The following NOC4L variants were observed in gnomAD, a reference collection of about 807,000 sequenced individuals.
NOC4L encodes nucleolar complex protein 4 homolog.
A neutral mutation model predicts 62.8 loss-of-function variants in NOC4L; 40 were observed. That is an observed-to-expected ratio of 0.64 (90% CI 0.49 to 0.83). NOC4L has a LOEUF of 0.83. Ranked by LOEUF, NOC4L falls within the 40% of genes least tolerant of loss-of-function variation. The probability of loss-of-function intolerance (pLI) is 0.00; values close to 1 mark genes in which losing one functional copy is unlikely to be tolerated. For synonymous variants in NOC4L, 433 were observed against 299.8 expected (o/e 1.44, Z -4.59); for missense variants, 927 against 701.9 (o/e 1.32, Z -3.62).
intron 9 of NOC4L, among the ~76,000 whole-genome samples, chr12:132,149,694 G>A (rs1897872388): frequency 4.5e-5 from 1 of 22,020 alleles, no homozygotes; most frequent in Non-Finnish European, 6.7e-5. Flanking sequence ...CTCGGTGAGT[G>A]CGGCCGCCTC....
At position 132,147,680 on chromosome 12, in the gene NOC4L, C is replaced by T. The variant is rs1459457760; in HGVS notation, c.501C>T (p.Leu167=). The T allele has an allele frequency of 1.2e-6, 2 of 1,612,924 alleles. No homozygotes were observed. The highest frequency in any genetic ancestry group is 2.2e-5 in the South Asian group (2 of 91,084). The change falls in exon 5 of 15, where the codon CTC becomes CTT. Residue 167 remains leucine (L), a synonymous_variant. Coordinates refer to ENST00000330579, the MANE Select transcript of NOC4L (RefSeq NM_024078.3). ...LLSPEEDQSL[L]LSQFREYLDY... is the part of the protein sequence containing the mutation. ...CTCCTGAGGAGGACCAGAGCCTGCT[C>T]CTGTCCCAGTTCCGGGAGTACCTGG...
intron 3 of NOC4L, among the ~76,000 whole-genome samples, chr12:132,146,658 G>A (rs1432501302): frequency 6.6e-6 from 1 of 152,162 alleles, no homozygotes; most frequent in South Asian, 2.1e-4. Context: ...ACTTTTAAAT[G>A]TTGGGGAGAT....
chr12:132,152,441 C>G lies in NOC4L; in HGVS notation c.*40C>G. Reference sequence around the variant, plus strand: ...TGAATAAATCTCAGCTGACCCCAGCCCACCTGTGAATAAATGTTTTTGCAG... The same window carrying G: ...TGAATAAATCTCAGCTGACCCCAGCGCACCTGTGAATAAATGTTTTTGCAG... On this transcript the variant is annotated 3_prime_UTR_variant, in exon 15 of 15. Transcript: ENST00000330579. 1 of 1,538,814 alleles carries G rather than the reference C, an allele frequency of 6.5e-7. No individual in the cohort carries two copies. The highest frequency in any genetic ancestry group is 8.8e-7 in the Non-Finnish European group (1 of 1,137,524).
At chr12:132,147,076 T>C (rs1007367586) in intron 3 of NOC4L, among the ~76,000 whole-genome samples, 3 of 152,204 alleles carry the variant, frequency 2.0e-5, no homozygotes, top group Admixed American at 6.5e-5. Flanking sequence ...CTGGATCTCT[T>C]TAACTAGAGA....
At chr12:132,148,471 G>T in intron 7 of NOC4L, 138 bp from the exon 8 acceptor site, 1 of 936,768 alleles carries the variant, frequency 1.1e-6, no homozygotes, top group Admixed American at 2.3e-5. Context: ...AATGGGGACA[G>T]GAAGAAGGAA....
chr12:132,145,381 C>T (rs1897673973), intron 2 of NOC4L, among the ~76,000 whole-genome samples, 178 bp from the exon 3 acceptor site: 1 of 152,170 alleles, frequency 6.6e-6, no homozygotes, highest in Admixed American at 6.5e-5. Context: ...TTCCTGTTTG[C>T]AGGGCTCAGG....
At chr12:132,151,426 G>C (rs1872913772) in intron 11 of NOC4L, 58 bp downstream of exon 11, 1 of 1,601,716 alleles carries the variant, frequency 6.2e-7, no homozygotes, top group South Asian at 1.1e-5. Flanking sequence ...CTGGGGCCAG[G>C]GGAGGGTGGT....
intron 7 of NOC4L, 116 bp from the exon 8 acceptor site, chr12:132,148,492 GA>G: frequency 8.7e-7 from 1 of 1,153,922 alleles, no homozygotes; most frequent in Non-Finnish European, 1.2e-6. Flanking sequence ...GGCAGGGTCA[GA>G]AAAGTGGAGA....
rs544102967 is a variant in NOC4L, at chr12:132,152,408, C to T, written c.*7C>T. On this transcript the variant is annotated 3_prime_UTR_variant, in exon 15 of 15. Transcript: ENST00000330579. ...GCACTTCACGCTCAGCTGACCCTGG[C>T]CCACCTGTGAATAAATCTCAGCTGA... 256 of 1,571,172 alleles carry T rather than the reference C, an allele frequency of 1.6e-4. 5 individuals carry two copies. The South Asian group carries it at 2.5e-3, about 15-fold the overall frequency.
At chr12:132,151,694 C>G (rs1593433139) in intron 12 of NOC4L, 44 bp from the exon 13 acceptor site, 1 of 1,612,022 alleles carries the variant, frequency 6.2e-7, no homozygotes, top group Non-Finnish European at 8.5e-7. Context: ...GCGGGGGTGC[C>G]TGGTGCTGTG....
chr12:132,152,349 G>T lies in NOC4L; in HGVS notation c.1499G>T (p.Gly500Val), dbSNP rs767451309. 3.4e-5 allele frequency: 54 copies of T among 1,571,512 alleles called. No homozygotes were observed. The highest frequency in any genetic ancestry group is 4.5e-5 in the Non-Finnish European group (52 of 1,157,688). ...CCACTGGAGTTTATCCCAGCCCAGG[G>T]CCTGCTGGGACGGCCGGGTGAACTC... ...PVPLEFIPAQ[G>V]LLGRPGELCA... Residue 500 changes from glycine (G) to valine (V), a missense_variant, in exon 15 of 15, where the codon GGC becomes GTC. Gly to Val is a moderately radical substitution (Grantham distance 109). Coordinates refer to ENST00000330579, the MANE Select transcript of NOC4L (RefSeq NM_024078.3).
At chr12:132,149,165 TGCC>T (rs1487096520) in intron 9 of NOC4L, among the ~76,000 whole-genome samples, 2 of 57,876 alleles carry the variant, frequency 3.5e-5, no homozygotes, top group African/African-American at 1.5e-4. Context: ...CCTCGGTGAG[TGCC>T]GCCGCCTCGC....
intron 13 of NOC4L, 113 bp from the exon 14 acceptor site, chr12:132,151,970 CA>C: frequency 8.0e-7 from 1 of 1,250,502 alleles, no homozygotes; most frequent in African/African-American, 1.5e-5. Context: ...TTGGCCTTCT[CA>C]CGTGGCTCCG....
At position 132,151,380 on chromosome 12, in the gene NOC4L, G is replaced by A. The variant is rs879004850; in HGVS notation, c.1073+12G>A. ...TTCCTGTCCTCCTCGTGAGTACCAG[G>A]GCACCTGGCTCTGCCCTGCTCTGTG... On this transcript the variant is annotated intron_variant, in intron 11 of 14. Coordinates refer to ENST00000330579, the MANE Select transcript of NOC4L (RefSeq NM_024078.3). The A allele has an allele frequency of 8.1e-6, 13 of 1,607,268 alleles. No individual in the cohort carries two copies. Among genetic ancestry groups the A allele is most frequent in the Admixed American group, 1.7e-5 (1 of 60,008 alleles).
In NOC4L at chr12:132,151,544, G is replaced by T. The variant is rs201951710; in HGVS notation, c.1134G>T (p.Thr378=). The change falls in exon 12 of 15, where the codon ACG becomes ACT. Residue 378 remains threonine, a synonymous_variant. Coordinates refer to ENST00000330579, the MANE Select transcript of NOC4L (RefSeq NM_024078.3). ...AGCGGCTGGCCCGCCTGGCCCTGAC[G>T]GCTCCCCCTGAGGCCCTGCTCATGG... is the stretch of plus-strand genomic sequence containing the variant. The part of the protein sequence containing the change: ...FAKRLARLAL[T]APPEALLMVL... 29 of 1,608,720 alleles carry T rather than the reference G, an allele frequency of 1.8e-5. No homozygotes were observed. The African/African-American group carries it at 3.3e-4, about 19-fold the overall frequency.
intron 6 of NOC4L, 31 bp from the exon 7 acceptor site, chr12:132,148,041 C>T (rs1157638100): frequency 1.2e-6 from 2 of 1,613,382 alleles, no homozygotes; most frequent in Non-Finnish European, 1.7e-6. Context: ...CCCTGCGGGT[C>T]AGGTGACCTT....
rs1348335863 is a variant in NOC4L at position 132,145,661 on chromosome 12, T to G, written c.341T>G (p.Val114Gly). 1 of 1,608,646 alleles carries G rather than the reference T, an allele frequency of 6.2e-7. No homozygotes were observed. Among genetic ancestry groups the G allele is most frequent in the Non-Finnish European group, 8.5e-7 (1 of 1,175,844 alleles). ...GELLGHPSFQ[V>G]KELALSALLK... ...CTCCTGGGCCACCCCTCCTTTCAGG[T>G]CAAGGTGGGTCATTGGGCTGGCCTC... Residue 114 changes from valine (V) to glycine (G), a missense_variant, in exon 3 of 15, where the codon GTC becomes GGC. Transcript: ENST00000330579.
intron 2 of NOC4L, 106 bp downstream of exon 2, chr12:132,145,080 C>T (rs116505899): frequency 7.0e-7 from 1 of 1,428,554 alleles, no homozygotes; most frequent in Admixed American, 2.4e-5. Context: ...GCCGTGCAGG[C>T]TGGTGGGAGG....
intron 8 of NOC4L, 49 bp from the exon 9 acceptor site, chr12:132,148,735 C>A: frequency 1.5e-6 from 2 of 1,309,288 alleles, no homozygotes; most frequent in Admixed American, 2.7e-5. Context: ...CCCGACCCGC[C>A]GGCCCCCGCC....
Sources: gnomAD v4.1 joint callset for allele counts (sites outside exome capture counted in the v4.1 genomes callset) on GRCh38, gnomAD v4.1.1 for gene constraint, MANE v1.5 for transcripts, NCBI Gene and HGNC (gene_info 2026-07-23, HGNC 2026-07-21) for gene names.